PPP1R14C: variants seen among roughly 807,000 people sequenced by gnomAD.
The protein encoded by PPP1R14C is protein phosphatase 1 regulatory inhibitor subunit 14C.
A neutral mutation model predicts 20.4 loss-of-function variants in PPP1R14C; 16 were observed. That is an observed-to-expected ratio of 0.78 (90% confidence interval 0.53 to 1.19). PPP1R14C has a LOEUF of 1.19. PPP1R14C is among the 50% of genes most tolerant of loss of function. PPP1R14C has a pLI of 0.00. For synonymous variants in PPP1R14C, 91 were observed against 91.0 expected (o/e 1.00, Z 0.00); for missense variants, 211 against 220.1 (o/e 0.96, Z 0.26).
intron 1 of PPP1R14C, chr6:150,195,033 A>G (rs1252644922): frequency 1.0e-6 from 1 of 985,054 alleles, no homozygotes; most frequent in Non-Finnish European, 1.2e-6. Flanking sequence ...AGCAGTTACT[A>G]GTTATAGCCT....
intron 3 of PPP1R14C, among the ~76,000 whole-genome samples, chr6:150,242,134 AC>A (rs1199596206): frequency 6.6e-6 from 1 of 152,076 alleles, no homozygotes; most frequent in Non-Finnish European, 1.5e-5. Context: ...AAACAAAACA[AC>A]AACAACAACA....
At chr6:150,152,119 CAA>C (rs577869928) in intron 1 of PPP1R14C, among the ~76,000 whole-genome samples, 3 of 84,946 alleles carry the variant, frequency 3.5e-5, no homozygotes, top group African/African-American at 3.7e-5. Context: ...GACTCCGTCT[CAA>C]AAAAAAAAAA....
chr6:150,245,383 C>T (rs1040228601), intron 3 of PPP1R14C, among the ~76,000 whole-genome samples: 24 of 152,222 alleles, frequency 1.6e-4, no homozygotes, highest in Non-Finnish European at 1.5e-5. Context: ...CCAGAGCCTC[C>T]AAGAGCTTTC....
intron 1 of PPP1R14C, among the ~76,000 whole-genome samples, chr6:150,167,747 T>C (rs1002254974): frequency 4.6e-5 from 7 of 152,064 alleles, no homozygotes; most frequent in African/African-American, 1.4e-4. Context: ...CGAGAGGCAG[T>C]GTGGCAGGAC....
intron 1 of PPP1R14C, among the ~76,000 whole-genome samples, chr6:150,153,823 A>T (rs1319087287): frequency 6.6e-6 from 1 of 152,224 alleles, no homozygotes; most frequent in Non-Finnish European, 1.5e-5. Flanking sequence ...GAAAGAATCC[A>T]CGGGGAAATC....
At chr6:150,187,102 G>A (rs1272657297) in intron 1 of PPP1R14C, among the ~76,000 whole-genome samples, 13 of 151,716 alleles carry the variant, frequency 8.6e-5, no homozygotes, top group Non-Finnish European at 1.6e-4. Flanking sequence ...CAGCCTCCTG[G>A]GTAGCTGGGA....
At chr6:150,206,111 T>C (rs1005613808) in intron 1 of PPP1R14C, among the ~76,000 whole-genome samples, 1 of 152,166 alleles carries the variant, frequency 6.6e-6, no homozygotes, top group Non-Finnish European at 1.5e-5. Context: ...TGGCAGCTTC[T>C]TAGACACAGC....
intron 1 of PPP1R14C, among the ~76,000 whole-genome samples, chr6:150,189,798 CTG>C (rs370346080): frequency 1.5e-4 from 23 of 152,316 alleles, no homozygotes; most frequent in African/African-American, 5.5e-4. Flanking sequence ...CTGGATAAAA[CTG>C]TGGATTCCTT....
intron 1 of PPP1R14C, among the ~76,000 whole-genome samples, chr6:150,184,427 A>G (rs572626288): frequency 2.0e-5 from 3 of 152,306 alleles, no homozygotes; most frequent in Non-Finnish European, 4.4e-5. Context: ...CCTACAGCCT[A>G]GGCATGGAGT....
At chr6:150,196,283 G>A (rs985648235) in intron 1 of PPP1R14C, 1 of 242,672 alleles carries the variant, frequency 4.1e-6, no homozygotes, top group Non-Finnish European at 6.6e-6. Flanking sequence ...TAAGCTTGCT[G>A]GTTCAGAGCC....
chr6:150,168,481 C>A (rs1424171405), intron 1 of PPP1R14C, among the ~76,000 whole-genome samples: 1 of 152,006 alleles, frequency 6.6e-6, no homozygotes, highest in African/African-American at 2.4e-5. Context: ...TGCAGTGAGC[C>A]GAGATAGCGC....
rs189338034 is a variant in PPP1R14C at position 150,246,463 on chromosome 6, G to T, written c.424-2283G>T. ...GGCAATAGGAAATGCATTTACATTTGCAAAATGAAAATTGAATATAAATAG... is the reference window on the plus strand; with the variant it reads ...GGCAATAGGAAATGCATTTACATTTTCAAAATGAAAATTGAATATAAATAG... On this transcript the variant is annotated intron_variant, in intron 3 of 3. Transcript: ENST00000361131. 8.3e-4 allele frequency among the ~76,000 whole-genome samples: 126 copies of T among 152,216 alleles called. 1 individual carries two copies. Among genetic ancestry groups the T allele is most frequent in the Non-Finnish European group, 1.2e-3 (82 of 67,978 alleles).
intron 1 of PPP1R14C, among the ~76,000 whole-genome samples, chr6:150,180,336 A>G (rs1247122144): frequency 6.6e-6 from 1 of 152,246 alleles, no homozygotes; most frequent in Non-Finnish European, 1.5e-5. Context: ...ATGGATTGGT[A>G]CAAGTGTTGG....
At chr6:150,209,735 G>A (rs1449090983) in intron 1 of PPP1R14C, among the ~76,000 whole-genome samples, 3 of 151,808 alleles carry the variant, frequency 2.0e-5, no homozygotes, top group African/African-American at 7.3e-5. Context: ...AGTGTGGAGT[G>A]TGTGTATTCG....
At chr6:150,178,423 G>T (rs541387768) in intron 1 of PPP1R14C, among the ~76,000 whole-genome samples, 1 of 152,356 alleles carries the variant, frequency 6.6e-6, no homozygotes, top group South Asian at 2.1e-4. Context: ...GGGATGGTGG[G>T]TGTGATTGGA....
At chr6:150,169,254 A>G (rs1216762169) in intron 1 of PPP1R14C, among the ~76,000 whole-genome samples, 3 of 152,214 alleles carry the variant, frequency 2.0e-5, no homozygotes, top group Non-Finnish European at 4.4e-5. Flanking sequence ...AGGTGATCCT[A>G]TGACAAATTT....
intron 3 of PPP1R14C, among the ~76,000 whole-genome samples, chr6:150,220,769 GC>G (rs1411796269): frequency 2.0e-5 from 3 of 152,198 alleles, no homozygotes; most frequent in African/African-American, 7.2e-5. Context: ...ATGGAAATGA[GC>G]CCGTTCTCTC....
intron 1 of PPP1R14C, among the ~76,000 whole-genome samples, chr6:150,182,673 T>G (rs1777634900): frequency 6.6e-6 from 1 of 152,188 alleles, no homozygotes; most frequent in Admixed American, 6.5e-5. Flanking sequence ...ATAACGTTAT[T>G]GTGAAGATTA....
At chr6:150,207,153 G>T (rs1403072717) in intron 1 of PPP1R14C, among the ~76,000 whole-genome samples, 1 of 152,114 alleles carries the variant, frequency 6.6e-6, no homozygotes, top group Non-Finnish European at 1.5e-5. Flanking sequence ...GTGAGCCACT[G>T]TGCCCGGCCT....
Sources: allele counts gnomAD v4.1 joint callset (sites outside exome capture counted in the v4.1 genomes callset), GRCh38; gene constraint gnomAD v4.1.1; transcripts MANE v1.5; gene names NCBI Gene and HGNC (gene_info 2026-07-23, HGNC 2026-07-21).